Variants in EYS observed in about 807,000 individuals in gnomAD.
EYS encodes the protein protein eyes shut homolog.
In EYS, 250 loss-of-function variants were observed where a neutral mutation model predicts 282.1. That is an observed-to-expected ratio of 0.89 (90% CI 0.80 to 0.98). The LOEUF (loss-of-function observed/expected upper bound fraction) is 0.98. Ranked by LOEUF, EYS falls within the 50% of genes least tolerant of loss-of-function variation. The pLI is 0.00. For synonymous variants in EYS, 1,355 were observed against 1,282.9 expected, an observed-to-expected ratio of 1.06 and a Z score of -1.20; for missense variants, 4,016 against 3,709.0, an observed-to-expected ratio of 1.08 and a Z score of -2.15.
chr6:64,051,597 T>C (rs1486445145), intron 33 of EYS, among the ~76,000 whole-genome samples: 1 of 152,142 alleles, frequency 6.6e-6, no homozygotes, highest in African/African-American at 2.4e-5. Context: ...GACTTGCCCA[T>C]AGTTTTTTAA....
intron 12 of EYS, among the ~76,000 whole-genome samples, chr6:65,290,886 A>G (rs975852613): frequency 6.6e-6 from 1 of 151,376 alleles, no homozygotes; most frequent in African/African-American, 2.4e-5. Context: ...ATATCAAGCC[A>G]TCACCATGTT....
intron 2 of EYS, among the ~76,000 whole-genome samples, chr6:65,555,854 A>C: frequency 6.6e-6 from 1 of 152,248 alleles, no homozygotes; most frequent in East Asian, 1.9e-4. Flanking sequence ...AACAGTAAAA[A>C]GATGAATACT....
intron 12 of EYS, among the ~76,000 whole-genome samples, chr6:65,236,347 C>T (rs548445534): frequency 6.6e-6 from 1 of 152,276 alleles, no homozygotes; most frequent in Non-Finnish European, 1.5e-5. Flanking sequence ...CACGGTGGCT[C>T]ATGCCTGTAA....
rs192045921 is a variant in EYS, at chr6:64,512,693, G to C, written c.5645-73341C>G. On this transcript the variant is annotated intron_variant, in intron 26 of 42. Transcript: ENST00000503581. ...ATAATAGGAAGAATAAATAATAAAA[G>C]AGATTAAAAGAGAAGAAAACAAAGC... 2.5e-3 allele frequency among the ~76,000 whole-genome samples: 376 copies of C among 151,992 alleles called. 1 individual carries two copies. The highest frequency in any genetic ancestry group is 0.02 in the Middle Eastern group (6 of 294).
intron 5 of EYS, among the ~76,000 whole-genome samples, chr6:65,474,223 C>A (rs1251411709): frequency 6.6e-6 from 1 of 152,036 alleles, no homozygotes; most frequent in African/African-American, 2.4e-5. Flanking sequence ...TTCATAAATG[C>A]AACTGTTAGC....
At chr6:65,121,788 T>A (rs1321219951) in intron 12 of EYS, among the ~76,000 whole-genome samples, 1 of 152,152 alleles carries the variant, frequency 6.6e-6, no homozygotes, top group Non-Finnish European at 1.5e-5. Flanking sequence ...GCAATTCAGG[T>A]TAGGCTATAG....
At chr6:63,901,491 T>A (rs1280002521) in intron 35 of EYS, among the ~76,000 whole-genome samples, 2 of 152,196 alleles carry the variant, frequency 1.3e-5, no homozygotes, top group African/African-American at 4.8e-5. Context: ...TCAAATCGTA[T>A]GAAGAATATA....
At chr6:64,653,917 A>C (rs1275947054) in intron 22 of EYS, among the ~76,000 whole-genome samples, 1 of 152,120 alleles carries the variant, frequency 6.6e-6, no homozygotes, top group Non-Finnish European at 1.5e-5. Flanking sequence ...TAGCCAAATA[A>C]ATTTGATAAT....
chr6:64,939,271 C>T (rs1476968920), intron 15 of EYS, among the ~76,000 whole-genome samples: 1 of 151,560 alleles, frequency 6.6e-6, no homozygotes, highest in African/African-American at 2.4e-5. Context: ...AGATAAAATG[C>T]AACAAATATC....
intron 12 of EYS, among the ~76,000 whole-genome samples, chr6:65,214,601 A>C (rs755283339): frequency 6.6e-6 from 1 of 152,210 alleles, no homozygotes; most frequent in African/African-American, 2.4e-5. Context: ...ATCCAGGAAA[A>C]CTACCTGAGA....
intron 22 of EYS, among the ~76,000 whole-genome samples, chr6:64,674,103 A>G (rs145415373): frequency 9.7e-4 from 148 of 152,238 alleles, no homozygotes; most frequent in African/African-American, 3.4e-3. Flanking sequence ...TGTCCTATAA[A>G]AGTTGCATAG....
At chr6:64,685,142 A>G (rs562041846) in intron 22 of EYS, among the ~76,000 whole-genome samples, 146 of 152,304 alleles carry the variant, frequency 9.6e-4, no homozygotes, top group Middle Eastern at 3.4e-3. Flanking sequence ...AATATCAGAC[A>G]GAAAAAGTCA....
At chr6:65,649,360 G>A (rs1446296450) in intron 1 of EYS, among the ~76,000 whole-genome samples, 1 of 151,812 alleles carries the variant, frequency 6.6e-6, no homozygotes, top group Non-Finnish European at 1.5e-5. Flanking sequence ...CTGAAAGTGT[G>A]TCCAATCTTA....
chr6:64,613,645 AG>A (rs139961733), intron 24 of EYS, among the ~76,000 whole-genome samples: 3,681 of 152,228 alleles, frequency 0.024, 164 homozygotes, highest in African/African-American at 0.084. Flanking sequence ...AGCCAAAACC[AG>A]GGTAGAAAAA....
chr6:64,812,953 CAAAT>C (rs1406750460), intron 22 of EYS, among the ~76,000 whole-genome samples: 2 of 151,858 alleles, frequency 1.3e-5, no homozygotes, highest in African/African-American at 4.8e-5. Context: ...TTTTATAACT[CAAAT>C]AAAATTTTTA....
chr6:65,058,147 A>G (rs1561944422), intron 12 of EYS, among the ~76,000 whole-genome samples: 1 of 151,940 alleles, frequency 6.6e-6, no homozygotes, highest in Non-Finnish European at 1.5e-5. Context: ...GCTGAATGTT[A>G]TTTGTTCATT....
At position 65,530,486 on chromosome 6, in the gene EYS, A is replaced by G. The variant is rs111874498; in HGVS notation, c.-332-34493T>C. Among the ~76,000 whole-genome samples the G allele has an allele frequency of 1.1e-3, 173 of 152,306 alleles. 1 individual carries two copies. The highest frequency in any genetic ancestry group is 3.4e-3 in the Middle Eastern group (1 of 294). On this transcript the variant is annotated intron_variant, in intron 2 of 42. Transcript: ENST00000503581. Reference sequence around the variant, plus strand: ...AGATTGCATGGCTTAAAGAGTCTAAAATATCTATCTAGACTTAACAGAAAT... The same window carrying G: ...AGATTGCATGGCTTAAAGAGTCTAAGATATCTATCTAGACTTAACAGAAAT...
chr6:64,941,906 C>T (rs561188912), intron 15 of EYS, among the ~76,000 whole-genome samples: 34 of 152,090 alleles, frequency 2.2e-4, no homozygotes, highest in African/African-American at 6.5e-4. Flanking sequence ...TGGTGAGTAG[C>T]GCTGAGATGA....
chr6:65,620,927 A>T (rs1766455190), intron 2 of EYS, among the ~76,000 whole-genome samples: 1 of 152,282 alleles, frequency 6.6e-6, no homozygotes, highest in East Asian at 1.9e-4. Context: ...ACAGTTTGTT[A>T]TCATTTCTGT....
Sources: gnomAD v4.1 joint callset for allele counts (sites outside exome capture counted in the v4.1 genomes callset) on GRCh38, gnomAD v4.1.1 for gene constraint, MANE v1.5 for transcripts, NCBI Gene and HGNC (gene_info 2026-07-23, HGNC 2026-07-21) for gene names.